SUSD1: variants seen among roughly 807,000 people sequenced by gnomAD.
SUSD1 encodes sushi domain containing 1.
Under a neutral mutation model 86.9 loss-of-function variants are expected in SUSD1, and 65 were observed. That is an observed-to-expected ratio of 0.75 (90% CI 0.61 to 0.92). SUSD1 has a LOEUF of 0.92. SUSD1 is among the 40% of genes least tolerant of loss of function. The probability of loss-of-function intolerance (pLI) is 0.00; values close to 1 mark genes in which losing one functional copy is unlikely to be tolerated. For synonymous variants in SUSD1, 346 were observed against 350.0 expected, an observed-to-expected ratio of 0.99 and a Z score of 0.13; for missense variants, 850 against 929.7, an observed-to-expected ratio of 0.91 and a Z score of 1.11.
intron 8 of SUSD1, among the ~76,000 whole-genome samples, chr9:112,110,995 T>G (rs555053098): frequency 1.3e-3 from 197 of 146,512 alleles, no homozygotes; most frequent in African/African-American, 4.5e-3. Context: ...TTGGTTTTTT[T>G]GGGTTTTTTT....
rs1411958532 is a variant in SUSD1, at chr9:112,058,471, C to T, written c.2066G>A (p.Ser689Asn). 6.2e-7 allele frequency: 1 copy of T among 1,614,170 alleles called. No individual in the cohort carries two copies. Among genetic ancestry groups the T allele is most frequent in the Admixed American group, 1.7e-5 (1 of 60,024 alleles). The change falls in exon 14 of 17, where the codon AGT becomes AAT. Residue 689 changes from serine (S) to asparagine (N), a missense_variant. Ser to Asn is a conservative substitution (Grantham distance 46, BLOSUM62 1). Coordinates refer to ENST00000374270, the MANE Select transcript of SUSD1 (RefSeq NM_022486.5). ...EYYNAPLKRG[S>N]DYCIILRITS... is the part of the protein sequence containing the mutation. ...GATTCGTAATATAATGCAGTAATCA[C>T]TCCCTCTTTTCAAGGGTGCATTATA... is the stretch of plus-strand genomic sequence containing the variant.
At chr9:112,066,074 GC>G (rs1297295066) in intron 12 of SUSD1, among the ~76,000 whole-genome samples, 1 of 152,200 alleles carries the variant, frequency 6.6e-6, no homozygotes, top group Non-Finnish European at 1.5e-5. Context: ...CTAGAAGACG[GC>G]CGGCCGAGCC....
chr9:112,170,692 C>CATATATATAT (rs3983405), intron 1 of SUSD1, among the ~76,000 whole-genome samples: 61 of 120,044 alleles, frequency 5.1e-4, no homozygotes, highest in African/African-American at 9.0e-4. Context: ...ATGGCCAGAT[C>CATATATATAT]ATATATATAT....
intron 1 of SUSD1, among the ~76,000 whole-genome samples, chr9:112,165,922 A>AG (rs781355586): frequency 0.08 from 6,304 of 78,834 alleles, 353 homozygotes; most frequent in African/African-American, 0.11. Flanking sequence ...AGGAAGAAAG[A>AG]AAAGAAAGAA....
intron 8 of SUSD1, among the ~76,000 whole-genome samples, chr9:112,110,998 G>T (rs6477881): frequency 0.48 from 72,865 of 151,388 alleles, 18,000 homozygotes; most frequent in African/African-American, 0.59. Context: ...GTTTTTTTGG[G>T]TTTTTTTTGA....
chr9:112,061,112 G>A (rs10981240), intron 13 of SUSD1, among the ~76,000 whole-genome samples: 7,321 of 152,196 alleles, frequency 0.048, 582 homozygotes, highest in African/African-American at 0.16. Context: ...CTATAATCTG[G>A]CAATGTGGGA....
intron 15 of SUSD1, among the ~76,000 whole-genome samples, chr9:112,049,877 A>C (rs1044860277): frequency 6.6e-6 from 1 of 152,206 alleles, no homozygotes; most frequent in African/African-American, 2.4e-5. Context: ...TTGGTTCTCA[A>C]GCTGAGGGGA....
At chr9:112,104,847 A>T (rs1830771319) in intron 8 of SUSD1, 1 of 152,220 alleles carries the variant, frequency 6.6e-6, no homozygotes, top group African/African-American at 2.4e-5. Flanking sequence ...GGGGGGAAAA[A>T]CTGCAAAATG....
Position 112,135,015 on chromosome 9 carries a change from A to G in SUSD1, c.706+7305T>C, listed in dbSNP as rs571058583. Among the ~76,000 whole-genome samples, 3 of 152,142 alleles carry G rather than the reference A, an allele frequency of 2.0e-5. No individual in the cohort carries two copies. In the South Asian group the frequency reaches 6.2e-4, roughly 32 times the overall value. On this transcript the variant is annotated intron_variant, in intron 5 of 16. Coordinates refer to ENST00000374270, the MANE Select transcript of SUSD1 (RefSeq NM_022486.5). ...CAAGAGGCAGAGGTTGCAGTGAGTC[A>G]AGTTTGTGCCATTGCACTCCAGCCT...
intron 1 of SUSD1, among the ~76,000 whole-genome samples, chr9:112,164,892 C>G (rs945290871): frequency 1.3e-5 from 2 of 152,246 alleles, no homozygotes; most frequent in Non-Finnish European, 2.9e-5. Context: ...TGCAGTGAGC[C>G]GAGATTGCAC....
At chr9:112,139,656 C>G (rs1347791797) in intron 5 of SUSD1, among the ~76,000 whole-genome samples, 1 of 151,684 alleles carries the variant, frequency 6.6e-6, no homozygotes, top group African/African-American at 2.4e-5. Flanking sequence ...CTGGGCCTCC[C>G]AGAGTGCTGG....
chr9:112,093,259 ATTC>A (rs1382647018), intron 10 of SUSD1, among the ~76,000 whole-genome samples: 1 of 152,194 alleles, frequency 6.6e-6, no homozygotes, highest in African/African-American at 2.4e-5. Context: ...GGAGACTGCC[ATTC>A]CTTGAGTCAC....
intron 5 of SUSD1, among the ~76,000 whole-genome samples, chr9:112,134,358 G>A (rs768490445): frequency 6.6e-6 from 1 of 152,106 alleles, no homozygotes; most frequent in East Asian, 1.9e-4. Flanking sequence ...TGTGATACAT[G>A]TACACCATGG....
intron 12 of SUSD1, among the ~76,000 whole-genome samples, chr9:112,064,287 T>C (rs2131506092): frequency 6.6e-6 from 1 of 152,260 alleles, no homozygotes; most frequent in South Asian, 2.1e-4. Context: ...GAGCTCCACC[T>C]CCTGTCAGAT....
intron 2 of SUSD1, among the ~76,000 whole-genome samples, chr9:112,155,993 A>G (rs1833291823): frequency 6.6e-6 from 1 of 151,442 alleles, no homozygotes; most frequent in Non-Finnish European, 1.5e-5. Context: ...AGAAAGAAAG[A>G]GAGAAAGAAA....
chr9:112,135,228 A>G (rs1217187409), intron 5 of SUSD1, among the ~76,000 whole-genome samples: 1 of 152,196 alleles, frequency 6.6e-6, no homozygotes, highest in African/African-American at 2.4e-5. Flanking sequence ...AGAAAAACAG[A>G]TTACTTTTTG....
At chr9:112,138,273 A>ATATATATATATATATG (rs1832395293) in intron 5 of SUSD1, among the ~76,000 whole-genome samples, 1 of 123,258 alleles carries the variant, frequency 8.1e-6, no homozygotes, top group Non-Finnish European at 1.8e-5. Flanking sequence ...ATACATATAT[A>ATATATATATATATATG]TATATATGAA....
chr9:112,147,283 A>T (rs1589724798), intron 3 of SUSD1, among the ~76,000 whole-genome samples: 1 of 151,464 alleles, frequency 6.6e-6, no homozygotes, highest in East Asian at 1.9e-4. Context: ...GAGGCAGGTG[A>T]ATCAGCCGAG....
intron 2 of SUSD1, among the ~76,000 whole-genome samples, chr9:112,154,740 C>T (rs1183532952): frequency 6.6e-6 from 1 of 152,120 alleles, no homozygotes; most frequent in Admixed American, 6.6e-5. Context: ...CTGGAAGGGA[C>T]ATTTCGGTTT....
Sources: gnomAD v4.1 joint callset for allele counts (sites outside exome capture counted in the v4.1 genomes callset) on GRCh38, gnomAD v4.1.1 for gene constraint, MANE v1.5 for transcripts, NCBI Gene and HGNC (gene_info 2026-07-23, HGNC 2026-07-21) for gene names.